Variants in SPG7 observed in about 807,000 individuals in gnomAD.
The protein encoded by SPG7 is mitochondrial inner membrane m-AAA protease component paraplegin.
Under a neutral mutation model 81.9 loss-of-function variants are expected in SPG7, and 103 were observed. The ratio of observed to expected loss-of-function variants is 1.26; its 90% CI spans 1.07 to 1.48. The LOEUF is 1.48. Among genes scored for constraint, SPG7 ranks in the 40% most tolerant of loss-of-function variants. The probability of loss-of-function intolerance (pLI) is 0.00; values close to 1 mark genes in which losing one functional copy is unlikely to be tolerated. For synonymous variants in SPG7, 534 were observed against 444.2 expected (o/e 1.20, Z -2.54); for missense variants, 1,241 against 1,087.3 (o/e 1.14, Z -1.99).
At chr16:89,547,220 T>A (rs2058575609) in intron 11 of SPG7, 1 of 204,522 alleles carries the variant, frequency 4.9e-6, no homozygotes. Context: ...ACCTCCCTTT[T>A]ATTATGAGAT....
Position 89,530,716 on chromosome 16 carries a change from G to T in SPG7, c.895G>T (p.Asp299Tyr). The T allele has an allele frequency of 1.2e-6, 2 of 1,614,198 alleles. No homozygotes were observed. Among genetic ancestry groups the T allele is most frequent in the Non-Finnish European group, 1.7e-6 (2 of 1,180,032 alleles). The change falls in exon 7 of 17, where the codon GAT becomes TAT. Residue 299 changes from aspartate to tyrosine, a missense_variant. Transcript: ENST00000645818. ...QLKMARFTIV[D>Y]GKMGKGVSFK... The stretch of plus-strand genomic sequence containing the variant: ...TAAAATGGCTCGTTTCACCATTGTG[G>T]ATGGGAAGATGGGGAAAGGAGTCAG...
Position 89,508,620 on chromosome 16 carries a change from G to T in SPG7, c.183+20G>T, listed in dbSNP as rs1365491043. On this transcript the variant is annotated intron_variant, in intron 1 of 16. Transcript: ENST00000645818. ...CTGCAGGTAAATCCCCGCGGAGTCC[G>T]GGCCCCACCTCCCGCCCGGCTCTGC... 4.9e-6 allele frequency: 7 copies of T among 1,439,204 alleles called. No homozygotes were observed. Among genetic ancestry groups the T allele is most frequent in the Non-Finnish European group, 2.7e-6 (3 of 1,101,890 alleles). 89.2% of individuals were successfully genotyped at this position (1,439,204 alleles called of 1,614,324 possible).
At chr16:89,552,809 C>G (rs1297643098) in intron 13 of SPG7, 170 bp from the exon 14 acceptor site, 5 of 676,000 alleles carry the variant, frequency 7.4e-6, no homozygotes, top group Admixed American at 2.1e-5. Context: ...GCTGCTGTCT[C>G]TGGGCTGGCC....
At chr16:89,512,725 T>C (rs1474605379) in intron 2 of SPG7, among the ~76,000 whole-genome samples, 1 of 152,266 alleles carries the variant, frequency 6.6e-6, no homozygotes, top group African/African-American at 2.4e-5. Flanking sequence ...GTAGCAAAGA[T>C]ATTTAACGTA....
intron 9 of SPG7, among the ~76,000 whole-genome samples, chr16:89,535,638 T>C: frequency 6.6e-6 from 1 of 152,122 alleles, no homozygotes; most frequent in Non-Finnish European, 1.5e-5. Flanking sequence ...TCAGATTCTG[T>C]GATGTCTGAG....
intron 2 of SPG7, among the ~76,000 whole-genome samples, chr16:89,512,423 C>G (rs1201249376): frequency 1.3e-5 from 2 of 152,158 alleles, no homozygotes; most frequent in Non-Finnish European, 2.9e-5. Flanking sequence ...TCAAGCAATT[C>G]TGCCTCAGCC....
chr16:89,546,377 T>G, intron 10 of SPG7: 1 of 402,334 alleles, frequency 2.5e-6, no homozygotes, highest in Non-Finnish European at 4.8e-6. Context: ...GTTCTGTTCG[T>G]GTTTAAAATG....
At chr16:89,537,284 A>G (rs2152406198) in intron 9 of SPG7, 1 of 1,302,706 alleles carries the variant, frequency 7.7e-7, no homozygotes, top group South Asian at 1.7e-5. Context: ...CGGACCCCAG[A>G]GCCCCCGGGA....
intron 13 of SPG7, chr16:89,552,683 G>C (rs1234524718): frequency 7.0e-6 from 3 of 427,550 alleles, no homozygotes; most frequent in African/African-American, 6.1e-5. Flanking sequence ...GGTGAAACTT[G>C]TCCTTCGCCT....
chr16:89,508,976 G>C, intron 1 of SPG7: 1 of 487,248 alleles, frequency 2.1e-6, no homozygotes, highest in Non-Finnish European at 4.0e-6. Context: ...AGGAATTCCA[G>C]CGCCTTCCAG....
chr16:89,513,346 G>A (rs573074162), intron 3 of SPG7, among the ~76,000 whole-genome samples: 133 of 152,030 alleles, frequency 8.7e-4, no homozygotes, highest in African/African-American at 3.1e-3. Context: ...GTGAAACCCC[G>A]TCTTTACTAA....
At chr16:89,523,705 G>A (rs1012544696) in intron 3 of SPG7, 1 of 503,382 alleles carries the variant, frequency 2.0e-6, no homozygotes, top group Non-Finnish European at 3.9e-6. Flanking sequence ...TGGGACCACA[G>A]GCGTGCACCG....
chr16:89,554,892 G>C (rs1483623934), intron 16 of SPG7: 2 of 277,412 alleles, frequency 7.2e-6, no homozygotes, highest in East Asian at 8.8e-5. Flanking sequence ...TTAAAACAAA[G>C]CTTTAATTTT....
intron 11 of SPG7, 113 bp from the exon 12 acceptor site, chr16:89,547,890 G>C (rs1474193015): frequency 1.2e-6 from 1 of 820,914 alleles, no homozygotes; most frequent in Non-Finnish European, 2.1e-6. Context: ...TGGGATTACA[G>C]GGGTGAGCCA....
chr16:89,546,781 C>CCAGGCTGCGGGT, intron 11 of SPG7, 21 bp downstream of exon 11: 1 of 1,548,896 alleles, frequency 6.5e-7, no homozygotes, highest in Non-Finnish European at 8.9e-7. Context: ...AACCCGCAGC[C>CCAGGCTGCGGGT]TGGGCAGCGT....
At chr16:89,529,741 T>C (rs933886295) in intron 6 of SPG7, 162 bp downstream of exon 6, 13 of 691,370 alleles carry the variant, frequency 1.9e-5, no homozygotes, top group South Asian at 1.9e-4. Flanking sequence ...ATGGTCCGGC[T>C]GTAAGGCGTG....
At chr16:89,518,004 A>G (rs921278047) in intron 3 of SPG7, 4 of 152,210 alleles carry the variant, frequency 2.6e-5, no homozygotes, top group East Asian at 1.9e-4. Context: ...GCGTTAGAGG[A>G]TAATTGTTTA....
intron 3 of SPG7, chr16:89,521,410 A>G (rs1166936192): frequency 6.6e-6 from 1 of 152,206 alleles, no homozygotes; most frequent in Non-Finnish European, 1.5e-5. Context: ...AAAGCAGAAG[A>G]GGTGTTTATT....
intron 7 of SPG7, 73 bp downstream of exon 7, chr16:89,530,881 C>T (rs927883841): frequency 3.1e-6 from 5 of 1,598,252 alleles, no homozygotes; most frequent in Middle Eastern, 2.2e-4. Flanking sequence ...AGGGCTCCTG[C>T]GGGACCTGGA....
Sources: gnomAD v4.1 joint callset for allele counts (sites outside exome capture counted in the v4.1 genomes callset) on GRCh38, gnomAD v4.1.1 for gene constraint, MANE v1.5 for transcripts, NCBI Gene and HGNC (gene_info 2026-07-23, HGNC 2026-07-21) for gene names.